Variants in GPR141 observed in about 807,000 individuals in gnomAD.
GPR141 encodes G protein-coupled receptor 141.
Under a neutral mutation model 6.8 loss-of-function variants are expected in GPR141, and 6 were observed. The ratio of observed to expected loss-of-function variants is 0.88; its 90% confidence interval spans 0.48 to 1.74. The LOEUF is 1.74. Among genes scored for constraint, GPR141 ranks in the 40% most tolerant of loss-of-function variants. The pLI, the probability that GPR141 is intolerant of heterozygous loss-of-function variation, is 0.01. For synonymous variants in GPR141, 140 were observed against 142.3 expected, an observed-to-expected ratio of 0.98 and a Z score of 0.11; for missense variants, 372 against 372.9, an observed-to-expected ratio of 1.00 and a Z score of 0.02.
chr7:37,741,457 A>T lies in GPR141; in HGVS notation c.*146A>T. 6 of 620,586 alleles carry T rather than the reference A, an allele frequency of 9.7e-6. No individual in the cohort carries two copies. Among genetic ancestry groups the T allele is most frequent in the Non-Finnish European group, 1.4e-5 (5 of 361,876 alleles). The allele number at this position is 620,586 out of a possible 1,614,324, so 38.4% of individuals were successfully genotyped here. On this transcript the variant is annotated 3_prime_UTR_variant, in exon 3 of 3. Transcript: ENST00000334425. ...AGGACTATAAAATGCAAGAGCCCTC[A>T]TTGTAGTCCTTATGGGATCCCTCCC...
chr7:37,732,908 A>G (rs1342612507), intron 2 of GPR141, among the ~76,000 whole-genome samples: 1 of 152,220 alleles, frequency 6.6e-6, no homozygotes, highest in African/African-American at 2.4e-5. Flanking sequence ...ACAGGAAAGT[A>G]GCAAGAATAT....
intron 2 of GPR141, among the ~76,000 whole-genome samples, chr7:37,709,980 A>T (rs1016985289): frequency 2.0e-5 from 3 of 147,210 alleles, no homozygotes; most frequent in Non-Finnish European, 4.6e-5. Context: ...CGCAGTAAGC[A>T]TTCTCTCACA....
rs761632116 is a variant in GPR141 at position 37,740,445 on chromosome 7, C to T, written c.52C>T (p.Pro18Ser). Residue 18 changes from proline (P) to serine (S), a missense_variant, in exon 3 of 3, where the codon CCC becomes TCC. By Grantham distance (74) the Pro-to-Ser change is moderately conservative (BLOSUM62 -1). Coordinates refer to ENST00000334425, the MANE Select transcript of GPR141 (RefSeq NM_001381946.1). Reference sequence around the variant, plus strand: ...TTCCTCTTGCGATCCTATAGTGACACCCCACTTAATCAGCCTCTACTTCAT... The same window carrying T: ...TTCCTCTTGCGATCCTATAGTGACATCCCACTTAATCAGCCTCTACTTCAT... ...RNSSCDPIVT[P>S]HLISLYFIVL... The T allele has an allele frequency of 6.8e-6, 11 of 1,613,490 alleles. No homozygotes were observed. The highest frequency in any genetic ancestry group is 8.5e-6 in the Non-Finnish European group (10 of 1,179,606).
At chr7:37,693,184 G>A (rs1759144664) in intron 2 of GPR141, among the ~76,000 whole-genome samples, 1 of 152,134 alleles carries the variant, frequency 6.6e-6, no homozygotes, top group Non-Finnish European at 1.5e-5. Context: ...TTTGTATAAG[G>A]TGTAAGGAAG....
rs112156693 is a variant in GPR141 at position 37,692,434 on chromosome 7, G to T, written c.-15+6851G>T. 7.9e-3 allele frequency among the ~76,000 whole-genome samples: 1,199 copies of T among 152,202 alleles called. 22 individuals are homozygous for T. The highest frequency in any genetic ancestry group is 0.027 in the African/African-American group (1,125 of 41,502). ...GGGTTGGATCCAAGTCTTTGCTATT[G>T]TGAATAGTGCAGCAATAAACATACA... is the stretch of plus-strand genomic sequence containing the variant. On this transcript the variant is annotated intron_variant, in intron 2 of 2. Coordinates refer to ENST00000334425, the MANE Select transcript of GPR141 (RefSeq NM_001381946.1).
At chr7:37,706,822 T>C (rs1810544424) in intron 2 of GPR141, among the ~76,000 whole-genome samples, 1 of 152,172 alleles carries the variant, frequency 6.6e-6, no homozygotes, top group Admixed American at 6.5e-5. Context: ...TCACATACAT[T>C]TTCTTTTCAT....
At chr7:37,699,728 A>G (rs755463666) in intron 2 of GPR141, among the ~76,000 whole-genome samples, 21 of 152,248 alleles carry the variant, frequency 1.4e-4, no homozygotes, top group Non-Finnish European at 2.5e-4. Context: ...AATGTATTGA[A>G]CACATTTAAA....
chr7:37,712,143 G>A (rs1034358839), intron 2 of GPR141, among the ~76,000 whole-genome samples: 4 of 152,232 alleles, frequency 2.6e-5, no homozygotes, highest in Admixed American at 6.5e-5. Flanking sequence ...AGATCCCAGG[G>A]AGACAGAATC....
intron 2 of GPR141, among the ~76,000 whole-genome samples, chr7:37,718,524 A>AAGGAAGGAAGG (rs61160687): frequency 0.025 from 1,382 of 55,420 alleles, 37 homozygotes; most frequent in African/African-American, 0.05. Context: ...AGGAAGGAAG[A>AAGGAAGGAAGG]AAGGAAGGAA....
At chr7:37,690,738 A>G (rs774090817) in intron 2 of GPR141, among the ~76,000 whole-genome samples, 1 of 151,850 alleles carries the variant, frequency 6.6e-6, no homozygotes, top group Non-Finnish European at 1.5e-5. Context: ...CATGTAACCT[A>G]TCCTGAAGAA....
At chr7:37,725,384 G>A (rs1166687060) in intron 2 of GPR141, among the ~76,000 whole-genome samples, 1 of 152,092 alleles carries the variant, frequency 6.6e-6, no homozygotes, top group East Asian at 1.9e-4. Context: ...CCACATCAGA[G>A]GGACCAGGCC....
chr7:37,740,741 C>A lies in GPR141; in HGVS notation c.348C>A (p.Ile116=). The A allele has an allele frequency of 6.2e-7, 1 of 1,614,090 alleles. No individual in the cohort carries two copies. The highest frequency in any genetic ancestry group is 1.1e-5 in the South Asian group (1 of 91,084). Residue 116 remains isoleucine (I), a synonymous_variant, in exon 3 of 3, where the codon ATC becomes ATA. Coordinates refer to ENST00000334425, the MANE Select transcript of GPR141 (RefSeq NM_001381946.1). ...YVVILVTRYL[I]FFKCKDKVEF... ...TGATCCTGGTCACCAGATACCTCAT[C>A]TTCTTCAAGTGCAAAGACAAAGTGG...
intron 2 of GPR141, among the ~76,000 whole-genome samples, chr7:37,718,533 A>AAGGAAGGG (rs1811158233): frequency 6.6e-6 from 1 of 150,722 alleles, no homozygotes; most frequent in Admixed American, 6.6e-5. Flanking sequence ...GAAAGGAAGG[A>AAGGAAGGG]AGGAAGGAAG....
chr7:37,714,261 G>C (rs1044070219), intron 2 of GPR141, among the ~76,000 whole-genome samples: 1 of 150,112 alleles, frequency 6.7e-6, no homozygotes, highest in East Asian at 1.9e-4. Flanking sequence ...TGCAGACTCT[G>C]TATATTTTTC....
chr7:37,708,834 T>G (rs769812862), intron 2 of GPR141, among the ~76,000 whole-genome samples: 15 of 152,316 alleles, frequency 9.8e-5, no homozygotes, highest in Admixed American at 6.5e-4. Context: ...ACAATGTGTG[T>G]TCAGGTTTGA....
chr7:37,716,062 C>T (rs534280335), intron 2 of GPR141, among the ~76,000 whole-genome samples: 3 of 152,248 alleles, frequency 2.0e-5, no homozygotes, highest in East Asian at 1.9e-4. Context: ...TTCAGAATGA[C>T]GTGGATCTTG....
rs143516153 is a variant in GPR141, at chr7:37,741,143, T to C, written c.750T>C (p.Asn250=). ...AGTTCTTTAGGATCTATTACTTGAA[T>C]GTTGTGACGCATTCCAATGCCTGTA... is the stretch of plus-strand genomic sequence containing the variant. ...PYQFFRIYYL[N]VVTHSNACNS... Residue 250 remains asparagine (N), a synonymous_variant, in exon 3 of 3, where the codon AAT becomes AAC. Coordinates refer to ENST00000334425, the MANE Select transcript of GPR141 (RefSeq NM_001381946.1). 63 of 1,613,976 alleles carry C rather than the reference T, an allele frequency of 3.9e-5. No homozygotes were observed. The highest frequency in any genetic ancestry group is 8.0e-5 in the African/African-American group (6 of 74,926).
chr7:37,713,344 A>G (rs1218602166), intron 2 of GPR141: 1 of 152,116 alleles, frequency 6.6e-6, no homozygotes, highest in African/African-American at 2.4e-5. Flanking sequence ...TTTCTTAGAG[A>G]TCTCATTATG....
chr7:37,729,115 C>A (rs1811786083), intron 2 of GPR141, among the ~76,000 whole-genome samples: 1 of 152,052 alleles, frequency 6.6e-6, no homozygotes, highest in Non-Finnish European at 1.5e-5. Context: ...GAGGAGGTGT[C>A]CCTTGAAATA....
Sources: allele counts gnomAD v4.1 joint callset (sites outside exome capture counted in the v4.1 genomes callset), GRCh38; gene constraint gnomAD v4.1.1; transcripts MANE v1.5; gene names NCBI Gene and HGNC (gene_info 2026-07-23, HGNC 2026-07-21).